Variants in LRBA observed in about 807,000 individuals in gnomAD.
LRBA encodes lipopolysaccharide-responsive and beige-like anchor protein.
A neutral mutation model predicts 330.0 loss-of-function variants in LRBA; 176 were observed. The ratio of observed to expected loss-of-function variants is 0.53; its 90% CI spans 0.47 to 0.60. LRBA has a LOEUF of 0.60. Ranked by LOEUF, LRBA falls within the 20% of genes least tolerant of loss-of-function variation. The pLI is 0.00. For synonymous variants in LRBA, 1,230 were observed against 1,193.0 expected (o/e 1.03, Z -0.64); for missense variants, 3,259 against 3,444.8 (o/e 0.95, Z 1.35).
chr4:150,913,195 C>T (rs764396846), intron 9 of LRBA, among the ~76,000 whole-genome samples: 4 of 152,222 alleles, frequency 2.6e-5, no homozygotes, highest in Non-Finnish European at 5.9e-5. Flanking sequence ...AGGTCAGGTG[C>T]AGTGGCTCAC....
At chr4:150,514,940 C>T (rs1581551219) in intron 40 of LRBA, among the ~76,000 whole-genome samples, 2 of 152,138 alleles carry the variant, frequency 1.3e-5, no homozygotes, top group Non-Finnish European at 2.9e-5. Context: ...TAGGTAATTT[C>T]CCACAGAACA....
At chr4:150,384,743 A>T (rs891050805) in intron 47 of LRBA, among the ~76,000 whole-genome samples, 9 of 151,592 alleles carry the variant, frequency 5.9e-5, no homozygotes, top group Non-Finnish European at 8.8e-5. Context: ...TAAAATACAA[A>T]CTTTAATTTC....
At chr4:150,289,512 T>C (rs950395301) in intron 53 of LRBA, among the ~76,000 whole-genome samples, 41 of 152,152 alleles carry the variant, frequency 2.7e-4, no homozygotes, top group African/African-American at 9.6e-4. Context: ...ATCATTAGGT[T>C]CTCAGGTAAC....
intron 40 of LRBA, among the ~76,000 whole-genome samples, chr4:150,552,926 T>G (rs1766794144): frequency 6.6e-6 from 1 of 150,686 alleles, no homozygotes; most frequent in African/African-American, 2.4e-5. Context: ...AAAAATAGCC[T>G]GGCATGGTGG....
chr4:150,466,325 A>G (rs146834925), intron 44 of LRBA, among the ~76,000 whole-genome samples: 2 of 152,196 alleles, frequency 1.3e-5, no homozygotes, highest in African/African-American at 4.8e-5. Context: ...AGTAAAGGAC[A>G]CTGGATATGT....
chr4:150,506,332 A>C (rs1761079073), intron 40 of LRBA, among the ~76,000 whole-genome samples: 1 of 152,212 alleles, frequency 6.6e-6, no homozygotes, highest in South Asian at 2.1e-4. Context: ...TCCTCAGTAA[A>C]ATACTGGCAA....
At chr4:150,469,366 A>G (rs1755825911) in intron 43 of LRBA, among the ~76,000 whole-genome samples, 1 of 152,172 alleles carries the variant, frequency 6.6e-6, no homozygotes, top group Non-Finnish European at 1.5e-5. Context: ...GATAGATTCT[A>G]TATTTATAAA....
At chr4:150,722,345 A>T (rs753310514) in intron 36 of LRBA, among the ~76,000 whole-genome samples, 1 of 152,178 alleles carries the variant, frequency 6.6e-6, no homozygotes, top group African/African-American at 2.4e-5. Context: ...GCAGCCAATT[A>T]AGAACTGAGT....
intron 40 of LRBA, among the ~76,000 whole-genome samples, chr4:150,538,482 T>C (rs1581615762): frequency 1.3e-5 from 2 of 152,292 alleles, no homozygotes; most frequent in South Asian, 2.1e-4. Flanking sequence ...TCATGTCCTT[T>C]GCAGCAACGT....
At chr4:150,517,372 T>A (rs192475718) in intron 40 of LRBA, among the ~76,000 whole-genome samples, 12 of 151,912 alleles carry the variant, frequency 7.9e-5, no homozygotes, top group Admixed American at 7.9e-4. Flanking sequence ...AATACAAAAA[T>A]TAGCCAGGCA....
At position 150,321,494 on chromosome 4, in the gene LRBA, G is replaced by T; in HGVS notation, c.7453-126C>A. On this transcript the variant is annotated intron_variant, in intron 49 of 56. Coordinates refer to ENST00000651943, the MANE Select transcript of LRBA (RefSeq NM_001364905.1). The surrounding 1 kb of genome is among the most constrained non-coding windows in gnomAD (Gnocchi z 4.5). ...GAGGAAGACCATATTAACATGAGTT[G>T]TAAGTGGAAGCACAGTGAGCAGAAA... The T allele has an allele frequency of 1.4e-6, 1 of 704,256 alleles. No individual in the cohort carries two copies. The highest frequency in any genetic ancestry group is 2.2e-6 in the Non-Finnish European group (1 of 449,436). 43.6% of individuals were successfully genotyped at this position (704,256 alleles called of 1,614,324 possible).
At chr4:150,783,109 G>A (rs1042386025) in intron 34 of LRBA, among the ~76,000 whole-genome samples, 2 of 152,240 alleles carry the variant, frequency 1.3e-5, no homozygotes, top group African/African-American at 2.4e-5. Flanking sequence ...ATATCACACC[G>A]AGCAATCTAA....
chr4:150,511,861 T>C (rs1171621089), intron 40 of LRBA, among the ~76,000 whole-genome samples: 1 of 152,216 alleles, frequency 6.6e-6, no homozygotes, highest in Non-Finnish European at 1.5e-5. Context: ...CACTATATAA[T>C]ACTCCCACCA....
chr4:150,593,908 GACC>G (rs1475117106), intron 38 of LRBA, among the ~76,000 whole-genome samples: 2 of 151,962 alleles, frequency 1.3e-5, no homozygotes, highest in South Asian at 2.1e-4. Context: ...ATTTATAAAT[GACC>G]ACGAGAAATA....
intron 30 of LRBA, among the ~76,000 whole-genome samples, chr4:150,820,932 C>T (rs953715402): frequency 2.0e-5 from 3 of 151,894 alleles, no homozygotes; most frequent in Non-Finnish European, 4.4e-5. Flanking sequence ...ATTGATCATG[C>T]AAAAACTAAG....
intron 40 of LRBA, among the ~76,000 whole-genome samples, chr4:150,552,776 A>C (rs1766771364): frequency 6.6e-6 from 1 of 152,136 alleles, no homozygotes; most frequent in Non-Finnish European, 1.5e-5. Context: ...GACTGGATTA[A>C]AAAAATGTGG....
intron 2 of LRBA, among the ~76,000 whole-genome samples, chr4:150,994,064 CAAAA>C (rs538401022): frequency 1.2e-5 from 1 of 82,294 alleles, no homozygotes; most frequent in African/African-American, 3.7e-5. Flanking sequence ...GACTCTGTCT[CAAAA>C]AAAAAAAAAA....
intron 35 of LRBA, among the ~76,000 whole-genome samples, chr4:150,738,832 A>G (rs1731563727): frequency 6.6e-6 from 1 of 152,020 alleles, no homozygotes; most frequent in Non-Finnish European, 1.5e-5. Flanking sequence ...ATTAAGCAAC[A>G]AATACTTAGC....
chr4:150,475,729 T>G (rs1025867371), intron 42 of LRBA, among the ~76,000 whole-genome samples: 1 of 148,080 alleles, frequency 6.8e-6, no homozygotes, highest in Non-Finnish European at 1.5e-5. Flanking sequence ...ACCCTATCTC[T>G]ATAAAAAAAA....
Sources: gnomAD v4.1 joint callset for allele counts (sites outside exome capture counted in the v4.1 genomes callset) on GRCh38, gnomAD v4.1.1 for gene constraint, Gnocchi (gnomAD v3.1) non-coding constraint, MANE v1.5 for transcripts, NCBI Gene and HGNC (gene_info 2026-07-23, HGNC 2026-07-21) for gene names.